The following TBCE variants were observed in gnomAD, a reference collection of about 807,000 sequenced individuals.
The protein encoded by TBCE is tubulin folding cofactor E, also known as tubulin-specific chaperone E.
Under a neutral mutation model 77.0 loss-of-function variants are expected in TBCE, and 53 were observed. The ratio of observed to expected loss-of-function variants is 0.69; its 90% CI spans 0.55 to 0.87. The LOEUF (loss-of-function observed/expected upper bound fraction) is 0.87. TBCE is among the 40% of genes least tolerant of loss of function. The probability of loss-of-function intolerance (pLI) is 0.00; values close to 1 mark genes in which losing one functional copy is unlikely to be tolerated. For synonymous variants in TBCE, 235 were observed against 241.3 expected (o/e 0.97, Z 0.24); for missense variants, 624 against 622.4 (o/e 1.00, Z -0.03).
At chr1:235,416,576 T>C (rs1233549764) in intron 4 of TBCE, among the ~76,000 whole-genome samples, 1 of 152,142 alleles carries the variant, frequency 6.6e-6, no homozygotes, top group African/African-American at 2.4e-5. Context: ...ACATATCTCT[T>C]ACCCAAAGGA....
chr1:235,443,058 A>ATT, intron 15 of TBCE, 147 bp downstream of exon 15: 1 of 802,180 alleles, frequency 1.2e-6, no homozygotes, highest in Non-Finnish European at 2.1e-6. Flanking sequence ...TCTAAAATAC[A>ATT]ATCAATCATG....
At chr1:235,392,422 T>C (rs1357453582) in intron 2 of TBCE, among the ~76,000 whole-genome samples, 3 of 149,490 alleles carry the variant, frequency 2.0e-5, no homozygotes, top group Non-Finnish European at 4.5e-5. Flanking sequence ...TTTTTTTTTT[T>C]TTTTTTAGAC....
chr1:235,390,647 G>A (rs529515088), intron 2 of TBCE, among the ~76,000 whole-genome samples: 1 of 151,952 alleles, frequency 6.6e-6, no homozygotes, highest in African/African-American at 2.4e-5. Context: ...AATAATCCGA[G>A]CTACTTGGGA....
chr1:235,380,862 C>T (rs938075609), intron 2 of TBCE, among the ~76,000 whole-genome samples: 4 of 152,038 alleles, frequency 2.6e-5, no homozygotes, highest in South Asian at 2.1e-4. Flanking sequence ...GTTGGCTCAC[C>T]GCAACCTCTG....
intron 1 of TBCE, 41 bp from the exon 2 acceptor site, chr1:235,379,978 A>C: frequency 7.7e-7 from 1 of 1,290,972 alleles, no homozygotes; most frequent in Non-Finnish European, 1.1e-6. Flanking sequence ...CTTTAAAGGA[A>C]TTGTATTAAG....
At chr1:235,432,053 G>A (rs1211723574) in intron 7 of TBCE, among the ~76,000 whole-genome samples, 1 of 151,702 alleles carries the variant, frequency 6.6e-6, no homozygotes, top group African/African-American at 2.4e-5. Flanking sequence ...GCATGATCTC[G>A]GCTCACTGCA....
rs529994309 is a variant in TBCE at position 235,409,204 on chromosome 1, A to G, written c.186-5229A>G. Among the ~76,000 whole-genome samples, 19 of 152,242 alleles carry G rather than the reference A, an allele frequency of 1.2e-4. No homozygotes were observed. The East Asian group carries it at 2.7e-3, about 22-fold the overall frequency. ...AGCACATGCTGTTTCCACAAGGGCC[A>G]TGGGTCAGGATGATGATTTTACCAG... On this transcript the variant is annotated intron_variant, in intron 3 of 16. Coordinates refer to ENST00000642610, the MANE Select transcript of TBCE (RefSeq NM_003193.5).
In TBCE at chr1:235,437,356, G is replaced by C. The variant is rs35579976; in HGVS notation, c.998G>C (p.Ser333Thr). ...SFFNELEKLP[S>T]LRALSCLRNP... ...TTCAATGAGCTAGAGAAGTTACCAA[G>C]TCTACGGGCTTTGTCCTGCCTAAGA... The change falls in exon 12 of 17, where the codon AGT (serine) becomes ACT (threonine). Residue 333 changes from serine (S) to threonine (T), a missense_variant. Transcript: ENST00000642610. 2,883 of 1,614,094 alleles carry C rather than the reference G, an allele frequency of 1.8e-3. 47 individuals are homozygous for C. In the African/African-American group the frequency reaches 0.034, roughly 19 times the overall value.
At chr1:235,396,497 G>A (rs1678728539) in intron 2 of TBCE, among the ~76,000 whole-genome samples, 2 of 152,070 alleles carry the variant, frequency 1.3e-5, no homozygotes, top group African/African-American at 4.8e-5. Context: ...TTTCTTTTTG[G>A]TATATAACTA....
chr1:235,395,486 C>T (rs1371325258), intron 2 of TBCE, among the ~76,000 whole-genome samples: 1 of 151,622 alleles, frequency 6.6e-6, no homozygotes. Context: ...TTAACCATTC[C>T]CACTCTCTCC....
intron 1 of TBCE, among the ~76,000 whole-genome samples, chr1:235,374,929 T>C (rs1452373493): frequency 1.5e-5 from 2 of 132,486 alleles, no homozygotes; most frequent in East Asian, 2.0e-4. Flanking sequence ...TCTTTTTTTT[T>C]TTTTTTTTTG....
At chr1:235,375,986 T>C (rs558006751) in intron 1 of TBCE, among the ~76,000 whole-genome samples, 94 of 152,192 alleles carry the variant, frequency 6.2e-4, no homozygotes, top group African/African-American at 2.0e-3. Flanking sequence ...CGGTGGAGGT[T>C]GCAGAGCTGA....
chr1:235,378,486 A>G (rs1377878295), intron 1 of TBCE, among the ~76,000 whole-genome samples: 4 of 152,178 alleles, frequency 2.6e-5, no homozygotes, highest in Admixed American at 2.6e-4. Flanking sequence ...GGCCTCCCAA[A>G]GCGCTGAGAT....
At position 235,438,780 on chromosome 1, in the gene TBCE, G is replaced by C. The variant is rs751036181; in HGVS notation, c.1128G>C (p.Glu376Asp). ...KTLNKCEILP[E>D]ERRRAELDYR... The stretch of plus-strand genomic sequence containing the variant: ...TCACATGAACATAGATTCTCCCCGA[G>C]GAGAGGCGGAGAGCTGAGCTTGACT... The change falls in exon 13 of 17, where the codon GAG becomes GAC. Residue 376 changes from glutamate (E) to aspartate (D), a missense_variant. Physicochemically the swap from Glu to Asp is conservative, Grantham distance 45. Coordinates refer to ENST00000642610, the MANE Select transcript of TBCE (RefSeq NM_003193.5). 1.4e-5 allele frequency: 23 copies of C among 1,614,010 alleles called. No individual in the cohort carries two copies. The highest frequency in any genetic ancestry group is 1.6e-4 in the Middle Eastern group (1 of 6,082).
At position 235,437,257 on chromosome 1, in the gene TBCE, T is replaced by C. The variant is rs1184334246; in HGVS notation, c.964-65T>C. ...AGGGACATGCTTTCCTGTTGCTGGT[T>C]CAAACTTCTGCAAAAGTGGCATGAA... On this transcript the variant is annotated intron_variant, in intron 11 of 16. Coordinates refer to ENST00000642610, the MANE Select transcript of TBCE (RefSeq NM_003193.5). The C allele has an allele frequency of 6.2e-6, 10 of 1,608,726 alleles. No individual in the cohort carries two copies. The Admixed American group carries it at 1.7e-4, about 27-fold the overall frequency.
chr1:235,390,156 T>C (rs1321560098), intron 2 of TBCE, among the ~76,000 whole-genome samples: 1 of 151,694 alleles, frequency 6.6e-6, no homozygotes, highest in East Asian at 1.9e-4. Flanking sequence ...AGAAATGCAA[T>C]TGTACTAATG....
intron 8 of TBCE, 86 bp downstream of exon 8, chr1:235,434,366 T>A: frequency 8.2e-7 from 1 of 1,212,776 alleles, no homozygotes; most frequent in Non-Finnish European, 1.2e-6. Context: ...CTAACCTTAA[T>A]TTTTAGAAGG....
chr1:235,450,074 G>C lies in TBCE; in HGVS notation c.*1312G>C, dbSNP rs1249860770. 7 of 1,092,086 alleles carry C rather than the reference G, an allele frequency of 6.4e-6. No homozygotes were observed. The East Asian group carries it at 1.4e-4, about 22-fold the overall frequency. 67.6% of individuals were successfully genotyped at this position (1,092,086 alleles called of 1,614,324 possible). ...CATTAAGAAACACCGCATTGGTTCT[G>C]GGTGAAAGTGCCAGTCTGGAACTCT... On this transcript the variant is annotated 3_prime_UTR_variant, in exon 17 of 17. Transcript: ENST00000642610.
At chr1:235,411,418 A>T (rs1463608403) in intron 3 of TBCE, among the ~76,000 whole-genome samples, 2 of 152,044 alleles carry the variant, frequency 1.3e-5, no homozygotes, top group Non-Finnish European at 2.9e-5. Flanking sequence ...AGTGCTGCAG[A>T]CTATTTCCTT....
Sources: allele counts gnomAD v4.1 joint callset (sites outside exome capture counted in the v4.1 genomes callset), GRCh38; gene constraint gnomAD v4.1.1; transcripts MANE v1.5; gene names NCBI Gene and HGNC (gene_info 2026-07-23, HGNC 2026-07-21).